USP37: variants seen among roughly 807,000 people sequenced by gnomAD.
USP37 encodes ubiquitin specific peptidase 37.
In USP37, 27 loss-of-function variants were observed where a neutral mutation model predicts 124.0. The ratio of observed to expected loss-of-function variants is 0.22; its 90% confidence interval spans 0.16 to 0.30. The LOEUF is 0.30. USP37 is among the 10% of genes least tolerant of loss of function. USP37 has a pLI of 1.00. For missense variants in USP37, 889 were observed against 1,140.4 expected, an observed-to-expected ratio of 0.78 and a Z score of 3.17; for synonymous variants, 365 against 388.0, an observed-to-expected ratio of 0.94 and a Z score of 0.70.
chr2:218,490,824 G>A (rs183404870), intron 14 of USP37, among the ~76,000 whole-genome samples: 5 of 152,258 alleles, frequency 3.3e-5, no homozygotes, highest in Admixed American at 2.6e-4. Context: ...TCTTAACTTC[G>A]AATGAATCAA....
chr2:218,492,691 T>C (rs894366010), intron 14 of USP37, among the ~76,000 whole-genome samples: 4 of 152,118 alleles, frequency 2.6e-5, no homozygotes, highest in African/African-American at 9.7e-5. Flanking sequence ...CTTGCAGACA[T>C]ATGAGATGTC....
At chr2:218,541,320 T>C (rs1446366450) in intron 8 of USP37, among the ~76,000 whole-genome samples, 2 of 152,146 alleles carry the variant, frequency 1.3e-5, no homozygotes, top group Non-Finnish European at 2.9e-5. Flanking sequence ...GGAGTTACCA[T>C]ACTGGCAGGG....
chr2:218,514,724 C>T (rs1025583662), intron 10 of USP37, among the ~76,000 whole-genome samples: 23 of 152,068 alleles, frequency 1.5e-4, no homozygotes, highest in Non-Finnish European at 2.4e-4. Flanking sequence ...ATTTTAGCAC[C>T]CAATGATACA....
In USP37 at chr2:218,454,740, G is replaced by A; in HGVS notation, c.*190C>T. On this transcript the variant is annotated 3_prime_UTR_variant, in exon 26 of 26. Coordinates refer to ENST00000258399, the MANE Select transcript of USP37 (RefSeq NM_020935.3). ...AAAGAGGATAATCAGCTACGGATGTGAGACCAAAGTTTCCATAAAATAGCA... is the reference window on the plus strand; with the variant it reads ...AAAGAGGATAATCAGCTACGGATGTAAGACCAAAGTTTCCATAAAATAGCA... 1 of 1,220,470 alleles carries A rather than the reference G, an allele frequency of 8.2e-7. No homozygotes were observed. Among genetic ancestry groups the A allele is most frequent in the South Asian group, 1.8e-5 (1 of 56,770 alleles). The allele number at this position is 1,220,470 out of a possible 1,614,324, so 75.6% of individuals were successfully genotyped here.
intron 5 of USP37, among the ~76,000 whole-genome samples, chr2:218,550,719 G>A (rs1294653056): frequency 2.0e-5 from 3 of 151,428 alleles, no homozygotes; most frequent in African/African-American, 7.3e-5. Context: ...TGTGGTAGTA[G>A]GAATCTGAGT....
intron 8 of USP37, among the ~76,000 whole-genome samples, chr2:218,542,643 G>A (rs774982123): frequency 6.6e-5 from 10 of 152,182 alleles, no homozygotes; most frequent in Non-Finnish European, 1.3e-4. Context: ...AGAGAGGACA[G>A]CTTTCATGAT....
chr2:218,491,711 C>A (rs1688787600), intron 14 of USP37, among the ~76,000 whole-genome samples: 1 of 152,070 alleles, frequency 6.6e-6, no homozygotes. Context: ...CATCATTATA[C>A]TGGGAGAGAC....
intron 20 of USP37, among the ~76,000 whole-genome samples, chr2:218,470,650 C>A (rs656862): frequency 0.99 from 150,898 of 152,360 alleles, 74,742 homozygotes; most frequent in Middle Eastern, 1. Flanking sequence ...CCAGTCATGC[C>A]GATCATTCTG....
chr2:218,549,420 T>C (rs1438920251), intron 6 of USP37, among the ~76,000 whole-genome samples: 1 of 151,982 alleles, frequency 6.6e-6, no homozygotes, highest in Non-Finnish European at 1.5e-5. Context: ...AATGAAATGA[T>C]ACATTTCAGG....
chr2:218,481,851 GCT>G (rs1433488887), intron 17 of USP37, among the ~76,000 whole-genome samples: 4 of 151,964 alleles, frequency 2.6e-5, no homozygotes, highest in African/African-American at 7.2e-5. Flanking sequence ...ATGAGGTCAT[GCT>G]CTGTTGCCAT....
intron 10 of USP37, among the ~76,000 whole-genome samples, chr2:218,523,957 T>C (rs1222888463): frequency 1.3e-5 from 2 of 152,206 alleles, no homozygotes; most frequent in African/African-American, 4.8e-5. Flanking sequence ...ATTTAAGTTT[T>C]TGACAGATAA....
intron 2 of USP37, among the ~76,000 whole-genome samples, chr2:218,562,235 T>A (rs1693350431): frequency 6.6e-6 from 1 of 152,228 alleles, no homozygotes; most frequent in Non-Finnish European, 1.5e-5. Context: ...GCATGAAGCA[T>A]GATCCAGTAA....
At chr2:218,515,638 CAA>C (rs1249191092) in intron 10 of USP37, among the ~76,000 whole-genome samples, 6 of 152,176 alleles carry the variant, frequency 3.9e-5, no homozygotes, top group Non-Finnish European at 4.4e-5. Context: ...TAGGCATGAG[CAA>C]AGACTTCATG....
intron 9 of USP37, among the ~76,000 whole-genome samples, chr2:218,533,105 TC>T (rs1691425832): frequency 1.3e-5 from 2 of 152,078 alleles, no homozygotes; most frequent in African/African-American, 4.8e-5. Flanking sequence ...ATCTGCAATA[TC>T]TCTGAAGTAT....
chr2:218,519,698 C>T (rs1486583732), intron 10 of USP37, among the ~76,000 whole-genome samples: 8 of 151,262 alleles, frequency 5.3e-5, no homozygotes, highest in East Asian at 1.9e-4. Flanking sequence ...GCAGTAGTGG[C>T]GGGATCTTGG....
At chr2:218,501,213 AT>A (rs1309910436) in intron 11 of USP37, among the ~76,000 whole-genome samples, 2 of 151,616 alleles carry the variant, frequency 1.3e-5, no homozygotes, top group Non-Finnish European at 2.9e-5. Context: ...CTAATTTTGT[AT>A]TTTTTTGTAG....
At chr2:218,481,191 A>G (rs1325207008) in intron 17 of USP37, among the ~76,000 whole-genome samples, 1 of 152,226 alleles carries the variant, frequency 6.6e-6, no homozygotes, top group South Asian at 2.1e-4. Flanking sequence ...TTCCCAGCAT[A>G]CATGATGAAG....
chr2:218,461,333 T>C (rs1273535567), intron 22 of USP37, among the ~76,000 whole-genome samples: 1 of 151,486 alleles, frequency 6.6e-6, no homozygotes, highest in Non-Finnish European at 1.5e-5. Context: ...CATGGTAAAC[T>C]CCACCTCTAC....
intron 24 of USP37, among the ~76,000 whole-genome samples, chr2:218,456,503 T>C (rs1408465366): frequency 6.6e-6 from 1 of 151,540 alleles, no homozygotes; most frequent in Non-Finnish European, 1.5e-5. Context: ...TATTTGTATA[T>C]ACACAGAGAA....
Sources: allele counts gnomAD v4.1 joint callset (sites outside exome capture counted in the v4.1 genomes callset), GRCh38; gene constraint gnomAD v4.1.1; transcripts MANE v1.5; gene names NCBI Gene and HGNC (gene_info 2026-07-23, HGNC 2026-07-21).